The following CACNA2D3 variants were observed in gnomAD, a reference collection of about 807,000 sequenced individuals.
CACNA2D3 encodes the protein voltage-dependent calcium channel subunit alpha-2/delta-3.
Under a neutral mutation model 160.6 loss-of-function variants are expected in CACNA2D3, and 60 were observed. That is an observed-to-expected ratio of 0.37 (90% CI 0.30 to 0.46). CACNA2D3 has a LOEUF of 0.46. CACNA2D3 is among the 20% of genes least tolerant of loss of function. The pLI, the probability that CACNA2D3 is intolerant of heterozygous loss-of-function variation, is 1.00. For synonymous variants in CACNA2D3, 558 were observed against 492.9 expected (o/e 1.13, Z -1.75); for missense variants, 1,205 against 1,365.0 (o/e 0.88, Z 1.85).
At chr3:54,262,104 C>T (rs528815046) in intron 2 of CACNA2D3, among the ~76,000 whole-genome samples, 7 of 152,272 alleles carry the variant, frequency 4.6e-5, no homozygotes, top group East Asian at 1.9e-4. Flanking sequence ...CACTTTAGCA[C>T]GTTCCCAGAA....
At chr3:54,878,756 G>C (rs1699722708) in intron 18 of CACNA2D3, 3 of 307,490 alleles carry the variant, frequency 9.8e-6, no homozygotes, top group African/African-American at 4.3e-5. Flanking sequence ...TGACCCCCGG[G>C]ATTCATCAGT....
chr3:54,442,962 G>A (rs1383715357), intron 4 of CACNA2D3, among the ~76,000 whole-genome samples: 1 of 152,126 alleles, frequency 6.6e-6, no homozygotes, highest in Non-Finnish European at 1.5e-5. Flanking sequence ...GTAGCCTCTT[G>A]GGAATTTATG....
At chr3:54,811,452 T>C (rs1703311555) in intron 13 of CACNA2D3, among the ~76,000 whole-genome samples, 3 of 145,504 alleles carry the variant, frequency 2.1e-5, no homozygotes, top group African/African-American at 5.0e-5. Context: ...GCTGATCCTG[T>C]TCTCCCTCAG....
At chr3:54,672,785 ACT>A (rs1419199500) in intron 11 of CACNA2D3, among the ~76,000 whole-genome samples, 2 of 152,084 alleles carry the variant, frequency 1.3e-5, no homozygotes, top group South Asian at 2.1e-4. Context: ...GGTCGTGTTC[ACT>A]CTCTCCTAGA....
rs753610252 is a variant in CACNA2D3, at chr3:54,899,823, A to G, written c.2404A>G (p.Thr802Ala). The change falls in exon 27 of 38, where the codon ACA becomes GCA. Residue 802 changes from threonine to alanine, a missense_variant. Thr to Ala is a moderately conservative substitution (Grantham distance 58, BLOSUM62 0). Transcript: ENST00000474759. ...VNKSNVVTAS[T>A]SIQLLDERKS... ...TAAAAGCAATGTGGTGACAGCAAGT[A>G]CATCCATCCAGCTCCTGGATGAACG... 1 of 1,609,018 alleles carries G rather than the reference A, an allele frequency of 6.2e-7. No homozygotes were observed. Among genetic ancestry groups the G allele is most frequent in the Non-Finnish European group, 8.5e-7 (1 of 1,177,772 alleles).
At chr3:54,873,784 A>G (rs1323454197) in intron 18 of CACNA2D3, among the ~76,000 whole-genome samples, 2 of 152,208 alleles carry the variant, frequency 1.3e-5, no homozygotes, top group Non-Finnish European at 2.9e-5. Flanking sequence ...GTGCATTTGG[A>G]ATGTGAATTC....
intron 2 of CACNA2D3, among the ~76,000 whole-genome samples, chr3:54,137,261 G>A (rs897643043): frequency 4.6e-5 from 7 of 152,182 alleles, no homozygotes; most frequent in Admixed American, 4.6e-4. Flanking sequence ...TAAGTCCAAA[G>A]GTACCCACAT....
At chr3:55,066,774 T>A (rs1704649815) in intron 35 of CACNA2D3, among the ~76,000 whole-genome samples, 3 of 152,168 alleles carry the variant, frequency 2.0e-5, no homozygotes, top group Admixed American at 2.0e-4. Context: ...CCTAATTTAT[T>A]TCACGCATTT....
At chr3:54,565,395 G>T in intron 6 of CACNA2D3, among the ~76,000 whole-genome samples, 1 of 152,050 alleles carries the variant, frequency 6.6e-6, no homozygotes, top group South Asian at 2.1e-4. Flanking sequence ...GAGAATTTTG[G>T]TAAGCATTAG....
At chr3:54,241,356 C>T (rs955927698) in intron 2 of CACNA2D3, among the ~76,000 whole-genome samples, 1 of 152,114 alleles carries the variant, frequency 6.6e-6, no homozygotes, top group Non-Finnish European at 1.5e-5. Flanking sequence ...GCAGTAGGTT[C>T]TATTAGTATC....
intron 2 of CACNA2D3, among the ~76,000 whole-genome samples, chr3:54,207,684 A>G (rs1303385717): frequency 3.3e-5 from 5 of 152,134 alleles, no homozygotes; most frequent in African/African-American, 1.2e-4. Flanking sequence ...CTCTGTGCAC[A>G]TTCCACCATA....
At chr3:54,341,639 G>T (rs1336281822) in intron 3 of CACNA2D3, among the ~76,000 whole-genome samples, 1 of 152,168 alleles carries the variant, frequency 6.6e-6, no homozygotes, top group African/African-American at 2.4e-5. Context: ...TCAAAACCCT[G>T]AGAGGTTGCC....
At chr3:54,625,520 C>T (rs886991862) in intron 9 of CACNA2D3, among the ~76,000 whole-genome samples, 1 of 151,822 alleles carries the variant, frequency 6.6e-6, no homozygotes, top group African/African-American at 2.4e-5. Flanking sequence ...ACCAGGCAGG[C>T]TTCAATAATG....
chr3:54,263,753 A>T (rs907513414), intron 2 of CACNA2D3, among the ~76,000 whole-genome samples: 1 of 152,132 alleles, frequency 6.6e-6, no homozygotes, highest in East Asian at 1.9e-4. Flanking sequence ...CAGCAATAAG[A>T]TGGAACACAC....
At chr3:54,784,665 A>G (rs936114200) in intron 13 of CACNA2D3, among the ~76,000 whole-genome samples, 4 of 152,008 alleles carry the variant, frequency 2.6e-5, no homozygotes, top group East Asian at 3.9e-4. Context: ...CAGAGTTGCA[A>G]TGAAAGAGGG....
intron 12 of CACNA2D3, among the ~76,000 whole-genome samples, chr3:54,763,005 G>A (rs1007916209): frequency 4.6e-5 from 7 of 151,324 alleles, no homozygotes; most frequent in African/African-American, 1.7e-4. Flanking sequence ...GGAGAATGGT[G>A]TGAACCCGGG....
intron 11 of CACNA2D3, among the ~76,000 whole-genome samples, chr3:54,724,229 A>G (rs1444678731): frequency 9.9e-5 from 15 of 152,214 alleles, no homozygotes; most frequent in Non-Finnish European, 1.5e-5. Flanking sequence ...TATCCTAAAT[A>G]TATATACACC....
chr3:54,122,885 ACCCACTGTGC>A (rs1699502854), intron 1 of CACNA2D3, 50 bp downstream of exon 1: 30 of 1,204,310 alleles, frequency 2.5e-5, no homozygotes, highest in Non-Finnish European at 3.1e-5. Context: ...GCCGCCTGCG[ACCCACTGTGC>A]CCAAGTTTGG....
At chr3:54,214,938 G>C (rs1445459419) in intron 2 of CACNA2D3, among the ~76,000 whole-genome samples, 2 of 152,190 alleles carry the variant, frequency 1.3e-5, no homozygotes, top group Non-Finnish European at 2.9e-5. Flanking sequence ...CAGTAAGCCT[G>C]ATAGGGGAAA....
Sources: gnomAD v4.1 joint callset for allele counts (sites outside exome capture counted in the v4.1 genomes callset) on GRCh38, gnomAD v4.1.1 for gene constraint, MANE v1.5 for transcripts, NCBI Gene and HGNC (gene_info 2026-07-23, HGNC 2026-07-21) for gene names.